Variants in CROCC2 observed in about 807,000 individuals in gnomAD.
The protein encoded by CROCC2 is ciliary rootlet coiled-coil protein 2.
CROCC2 carries 163 observed loss-of-function variants against 177.6 expected under a neutral mutation model. That is an observed-to-expected ratio of 0.92 (90% CI 0.81 to 1.05). The LOEUF is 1.05. Ranked by LOEUF, CROCC2 falls within the 50% of genes least tolerant of loss-of-function variation. The pLI is 0.00. For missense variants in CROCC2, 1,929 were observed against 1,797.8 expected, an observed-to-expected ratio of 1.07 and a Z score of -1.32; for synonymous variants, 904 against 787.3, an observed-to-expected ratio of 1.15 and a Z score of -2.48.
intron 31 of CROCC2, among the ~76,000 whole-genome samples, chr2:240,992,145 G>T (rs2059884180): frequency 6.6e-6 from 1 of 152,246 alleles, no homozygotes. Flanking sequence ...TGGGCCACCT[G>T]TGTCCATCTG....
chr2:240,949,528 C>A lies in CROCC2; in HGVS notation c.2483-5C>A. The stretch of plus-strand genomic sequence containing the variant: ...CCCTGGTGCATCTCACCCATCACCC[C>A]ACAGTGGAAATGGAGCAGCTACAAA... On this transcript the variant is annotated splice_polypyrimidine_tract_variant and splice_region_variant and intron_variant, in intron 16 of 31. Coordinates refer to ENST00000690015, the MANE Select transcript of CROCC2 (RefSeq NM_001351305.2). This position sits in a 1 kb window ranked among gnomAD's most constrained non-coding sequence, Gnocchi z 4.5. The A allele has an allele frequency of 6.5e-7, 1 of 1,550,096 alleles. No homozygotes were observed. Among genetic ancestry groups the A allele is most frequent in the South Asian group, 1.2e-5 (1 of 84,040 alleles).
At chr2:240,933,423 C>T (rs1256378478) in intron 10 of CROCC2, 81 bp downstream of exon 10, 3 of 1,361,532 alleles carry the variant, frequency 2.2e-6, no homozygotes, top group Non-Finnish European at 2.9e-6. Context: ...AGGACAAGCA[C>T]CTCTAGAGCT....
At chr2:240,955,782 G>C in intron 18 of CROCC2, 77 bp from the exon 19 acceptor site, 1 of 991,372 alleles carries the variant, frequency 1.0e-6, no homozygotes, top group Non-Finnish European at 1.5e-6. Context: ...TTCTGCCACA[G>C]CCTCTCCTTA....
At chr2:240,948,087 G>A (rs190632247) in intron 15 of CROCC2, among the ~76,000 whole-genome samples, 296 of 152,262 alleles carry the variant, frequency 1.9e-3, no homozygotes, top group African/African-American at 6.7e-3. Context: ...TTTCCTACAC[G>A]CAGAAGGGGG....
In CROCC2 at chr2:240,958,577, G is replaced by A. The variant is rs1004017014; in HGVS notation, c.2944-724G>A. 28 of 984,986 alleles carry A rather than the reference G, an allele frequency of 2.8e-5. No individual in the cohort carries two copies. The highest frequency in any genetic ancestry group is 1.9e-4 in the South Asian group (4 of 21,272). 61.0% of individuals were successfully genotyped at this position (984,986 alleles called of 1,614,324 possible). A position where few individuals can be genotyped will look rare whatever the true frequency, so the allele number is the denominator to read the frequency against. Reference sequence around the variant, plus strand: ...TGGAGGGAGCCATCCCCCACCAGCCGCCCCCCGCCAGCCGCCTGCTGCTGC... The same window carrying A: ...TGGAGGGAGCCATCCCCCACCAGCCACCCCCCGCCAGCCGCCTGCTGCTGC... On this transcript the variant is annotated intron_variant, in intron 19 of 31. Transcript: ENST00000690015. This position sits in a 1 kb window ranked among gnomAD's most constrained non-coding sequence, Gnocchi z 6.7.
In CROCC2 at chr2:240,960,378, G is replaced by A. The variant is rs141321085; in HGVS notation, c.3087+934G>A. Reference sequence around the variant, plus strand: ...GAGGTTGACACGGAGGCCCCCAGGAGCCACATGATGGTGACGTGGGGTGGG... The same window carrying A: ...GAGGTTGACACGGAGGCCCCCAGGAACCACATGATGGTGACGTGGGGTGGG... On this transcript the variant is annotated intron_variant, in intron 20 of 31. Coordinates refer to ENST00000690015, the MANE Select transcript of CROCC2 (RefSeq NM_001351305.2). This position sits in a 1 kb window ranked among gnomAD's most constrained non-coding sequence, Gnocchi z 5.0. Among the ~76,000 whole-genome samples the A allele has an allele frequency of 0.015, 2,247 of 152,324 alleles. 21 individuals are homozygous for A. Among genetic ancestry groups the A allele is most frequent in the Non-Finnish European group, 0.024 (1,648 of 68,018 alleles).
At chr2:240,951,176 C>T (rs1282040846) in intron 18 of CROCC2, among the ~76,000 whole-genome samples, 1 of 152,016 alleles carries the variant, frequency 6.6e-6, no homozygotes, top group African/African-American at 2.4e-5. Flanking sequence ...CCTACCCATT[C>T]ATCCATCCAT....
rs538647353 is a variant in CROCC2, at chr2:240,972,174, T to G, written c.4401+3912T>G. On this transcript the variant is annotated intron_variant, in intron 27 of 31. Transcript: ENST00000690015. This position sits in a 1 kb window ranked among gnomAD's most constrained non-coding sequence, Gnocchi z 7.1. ...AAAGGAGTTCTGGCCTCGTTTGAAGTTGGGAGTGGAGAGGAACCCATCAGG... is the reference window on the plus strand; with the variant it reads ...AAAGGAGTTCTGGCCTCGTTTGAAGGTGGGAGTGGAGAGGAACCCATCAGG... 9.9e-5 allele frequency among the ~76,000 whole-genome samples: 15 copies of G among 152,144 alleles called. No individual in the cohort carries two copies. Among genetic ancestry groups the G allele is most frequent in the Non-Finnish European group, 2.9e-5 (2 of 68,030 alleles).
intron 14 of CROCC2, among the ~76,000 whole-genome samples, chr2:240,944,034 C>T (rs549155147): frequency 6.6e-6 from 1 of 152,294 alleles, no homozygotes; most frequent in South Asian, 2.1e-4. Flanking sequence ...ACCCACCTCA[C>T]CATTATCAGA....
Position 240,918,894 on chromosome 2 carries a change from A to G in CROCC2, c.229+18A>G, listed in dbSNP as rs563112977. Reference sequence around the variant, plus strand: ...ACCCCAAGGTGATGGTGTGGGGGACAGTCCTGGGCCCGGGGCTGGCCAAGG... The same window carrying G: ...ACCCCAAGGTGATGGTGTGGGGGACGGTCCTGGGCCCGGGGCTGGCCAAGG... On this transcript the variant is annotated intron_variant, in intron 2 of 31. Transcript: ENST00000690015. This position sits in a 1 kb window ranked among gnomAD's most constrained non-coding sequence, Gnocchi z 6.3. 84 of 678,680 alleles carry G rather than the reference A, an allele frequency of 1.2e-4. No homozygotes were observed. The highest frequency in any genetic ancestry group is 1.5e-4 in the African/African-American group (8 of 53,742). 42.0% of individuals were successfully genotyped at this position (678,680 alleles called of 1,614,324 possible).
chr2:240,935,313 G>T, intron 13 of CROCC2, 45 bp from the exon 14 acceptor site: 1 of 1,327,560 alleles, frequency 7.5e-7, no homozygotes. Context: ...TACAGGGACC[G>T]AGGATGGGGG....
At chr2:240,986,154 T>C (rs2059839258) in intron 28 of CROCC2, 1 of 348,510 alleles carries the variant, frequency 2.9e-6, no homozygotes, top group Admixed American at 3.5e-5. Flanking sequence ...CAAACGGGGC[T>C]GAGTGGAGAG....
Position 240,935,572 on chromosome 2 carries a change from A to T in CROCC2, c.2153A>T (p.Gln718Leu). The part of the protein sequence containing the change: ...ALLGREKAQL[Q>L]EQVGQVTCQK... Reference sequence around the variant, plus strand: ...CTGGGGCGAGAGAAGGCCCAGCTCCAGGAGCAGGTGGGCCAGGTGAGGACG... The same window carrying T: ...CTGGGGCGAGAGAAGGCCCAGCTCCTGGAGCAGGTGGGCCAGGTGAGGACG... Residue 718 changes from glutamine to leucine, a missense_variant, in exon 14 of 32, where the codon CAG (glutamine) becomes CTG (leucine). Coordinates refer to ENST00000690015, the MANE Select transcript of CROCC2 (RefSeq NM_001351305.2). The T allele has an allele frequency of 7.4e-7, 1 of 1,354,600 alleles. No individual in the cohort carries two copies. Among genetic ancestry groups the T allele is most frequent in the Non-Finnish European group, 9.5e-7 (1 of 1,053,610 alleles). 83.9% of individuals were successfully genotyped at this position (1,354,600 alleles called of 1,614,324 possible).
At chr2:240,939,496 C>CCTT (rs2059485724) in intron 14 of CROCC2, among the ~76,000 whole-genome samples, 1 of 119,106 alleles carries the variant, frequency 8.4e-6, no homozygotes, top group Admixed American at 8.2e-5. Context: ...GAGTTGTGCT[C>CCTT]CTAAAATACA....
At chr2:240,991,452 C>T (rs1240020974) in intron 31 of CROCC2, among the ~76,000 whole-genome samples, 174 bp downstream of exon 31, 3 of 152,338 alleles carry the variant, frequency 2.0e-5, no homozygotes, top group Non-Finnish European at 2.9e-5. Flanking sequence ...GGGGTGGGCA[C>T]GATGACAGCA....
At chr2:240,983,551 C>A (rs557794201) in intron 28 of CROCC2, 59 of 1,273,742 alleles carry the variant, frequency 4.6e-5, no homozygotes, top group Non-Finnish European at 6.0e-5. Context: ...AGGGGGAGCT[C>A]GCGGCGCTGC....
rs2059333197 is a variant in CROCC2 at position 240,918,338 on chromosome 2, A to C, written c.79-388A>C. ...AACAAGCTGTGAGACCACCTGCTCC[A>C]GGTGGGCGAGGATGTTGGGTTTCTT... On this transcript the variant is annotated intron_variant, in intron 1 of 31. Transcript: ENST00000690015. The surrounding 1 kb of genome is among the most constrained non-coding windows in gnomAD (Gnocchi z 6.3). 6.6e-6 allele frequency among the ~76,000 whole-genome samples: 1 copy of C among 152,162 alleles called. No homozygotes were observed. The highest frequency in any genetic ancestry group is 1.5e-5 in the Non-Finnish European group (1 of 68,032).
chr2:240,975,661 C>T (rs1010672019), intron 27 of CROCC2, among the ~76,000 whole-genome samples: 15 of 151,830 alleles, frequency 9.9e-5, no homozygotes, highest in African/African-American at 3.6e-4. Context: ...CCATGCAAGC[C>T]CTTCATTTGT....
chr2:240,950,207 G>A, intron 17 of CROCC2, 127 bp from the exon 18 acceptor site: 2 of 883,126 alleles, frequency 2.3e-6, no homozygotes, highest in Non-Finnish European at 3.4e-6. Context: ...TGTGCAGCTG[G>A]CTGGTCTGGA....
Sources: allele counts gnomAD v4.1 joint callset (sites outside exome capture counted in the v4.1 genomes callset), GRCh38; gene constraint gnomAD v4.1.1; non-coding constraint Gnocchi (gnomAD v3.1); transcripts MANE v1.5; gene names NCBI Gene and HGNC (gene_info 2026-07-23, HGNC 2026-07-21).